Variants in BCR observed in about 807,000 individuals in gnomAD.
BCR encodes BCR activator of RhoGEF and GTPase.
Under a neutral mutation model 138.6 loss-of-function variants are expected in BCR, and 58 were observed. The ratio of observed to expected loss-of-function variants is 0.42; its 90% confidence interval spans 0.34 to 0.52. BCR has a LOEUF of 0.52. Ranked by LOEUF, BCR falls within the 20% of genes least tolerant of loss-of-function variation. The pLI is 0.06. For synonymous variants in BCR, 786 were observed against 730.1 expected (o/e 1.08, Z -1.23); for missense variants, 1,599 against 1,727.2 (o/e 0.93, Z 1.32).
intron 1 of BCR, among the ~76,000 whole-genome samples, chr22:23,208,792 T>C (rs186512013): frequency 6.6e-6 from 1 of 151,694 alleles, no homozygotes; most frequent in Admixed American, 6.6e-5. Flanking sequence ...GAGGCGGAGG[T>C]TGCAGCGAAC....
At chr22:23,270,969 G>C (rs776678841) in intron 5 of BCR, among the ~76,000 whole-genome samples, 1 of 152,238 alleles carries the variant, frequency 6.6e-6, no homozygotes, top group Non-Finnish European at 1.5e-5. Flanking sequence ...AGTCTGCAGT[G>C]GTGGGCCTGC....
intron 4 of BCR, among the ~76,000 whole-genome samples, chr22:23,265,765 C>T (rs75954982): frequency 0.014 from 2,084 of 152,274 alleles, 41 homozygotes; most frequent in African/African-American, 0.048. Context: ...CACACGCAAA[C>T]GCACATAGAC....
At chr22:23,218,588 G>A (rs186231200) in intron 1 of BCR, among the ~76,000 whole-genome samples, 7 of 152,230 alleles carry the variant, frequency 4.6e-5, no homozygotes, top group African/African-American at 1.4e-4. Context: ...GGGTGCGGAG[G>A]TGAGGCTGGT....
intron 16 of BCR, among the ~76,000 whole-genome samples, chr22:23,295,744 C>T (rs2073838321): frequency 6.6e-6 from 1 of 152,106 alleles, no homozygotes; most frequent in Admixed American, 6.5e-5. Context: ...AGGAGACTGC[C>T]TGGGCCCTCT....
intron 1 of BCR, among the ~76,000 whole-genome samples, chr22:23,206,662 A>G (rs1333329546): frequency 6.6e-6 from 1 of 152,168 alleles, no homozygotes; most frequent in African/African-American, 2.4e-5. Context: ...ACAGGGTGTT[A>G]AAACTCAGAA....
At chr22:23,238,783 C>A (rs1056693047) in intron 1 of BCR, among the ~76,000 whole-genome samples, 1 of 151,996 alleles carries the variant, frequency 6.6e-6, no homozygotes, top group Admixed American at 6.6e-5. Flanking sequence ...TACAGACTAC[C>A]CCCAGGACTG....
intron 10 of BCR, 98 bp downstream of exon 10, chr22:23,285,299 C>A (rs1160279997): frequency 7.4e-7 from 1 of 1,357,266 alleles, no homozygotes; most frequent in Non-Finnish European, 1.0e-6. Flanking sequence ...GGCCTCTGGG[C>A]CCCAGGTCTG....
intron 1 of BCR, among the ~76,000 whole-genome samples, chr22:23,243,590 C>A (rs2073122406): frequency 6.6e-6 from 1 of 151,842 alleles, no homozygotes; most frequent in Non-Finnish European, 1.5e-5. Context: ...GTATCCTTTA[C>A]AATAAACTGG....
At chr22:23,257,818 G>A (rs1177381645) in intron 2 of BCR, among the ~76,000 whole-genome samples, 2 of 152,214 alleles carry the variant, frequency 1.3e-5, no homozygotes, top group Admixed American at 6.5e-5. Context: ...GGACCCAACT[G>A]TCTCCAAGTG....
chr22:23,266,408 G>T (rs535573434), intron 4 of BCR, among the ~76,000 whole-genome samples: 1 of 150,904 alleles, frequency 6.6e-6, no homozygotes, highest in Non-Finnish European at 1.5e-5. Flanking sequence ...TTCCCTTTTG[G>T]AGATGGAGTC....
intron 8 of BCR, among the ~76,000 whole-genome samples, chr22:23,279,979 G>A (rs970282354): frequency 6.6e-6 from 1 of 152,182 alleles, no homozygotes; most frequent in Non-Finnish European, 1.5e-5. Context: ...TGGCCTTCCT[G>A]GGAGTGGACA....
intron 1 of BCR, among the ~76,000 whole-genome samples, chr22:23,229,768 C>A (rs149934001): frequency 5.3e-5 from 8 of 152,204 alleles, no homozygotes; most frequent in Non-Finnish European, 7.3e-5. Context: ...CCATGTCCCC[C>A]CTTTCAGGTG....
intron 1 of BCR, among the ~76,000 whole-genome samples, chr22:23,194,413 T>C (rs1177153954): frequency 6.7e-6 from 1 of 149,320 alleles, no homozygotes; most frequent in Non-Finnish European, 1.5e-5. Flanking sequence ...TTTTTTTTTT[T>C]CTTTCTTTTT....
chr22:23,230,500 C>T (rs1470184452), intron 1 of BCR, among the ~76,000 whole-genome samples: 3 of 152,230 alleles, frequency 2.0e-5, no homozygotes, highest in East Asian at 1.9e-4. Context: ...ACACACACTG[C>T]GGATGCAGGC....
At chr22:23,204,715 A>C (rs2072592463) in intron 1 of BCR, among the ~76,000 whole-genome samples, 1 of 152,168 alleles carries the variant, frequency 6.6e-6, no homozygotes, top group African/African-American at 2.4e-5. Context: ...CCAGGACTGG[A>C]ACAGATTTCA....
chr22:23,307,135 G>A (rs1373853500), intron 16 of BCR, among the ~76,000 whole-genome samples: 2 of 152,204 alleles, frequency 1.3e-5, no homozygotes, highest in African/African-American at 4.8e-5. Flanking sequence ...TCGCTTTGTT[G>A]CGCAGGCTGG....
At position 23,283,991 on chromosome 22, in the gene BCR, G is replaced by T; in HGVS notation, c.2130G>T (p.Leu710=). Residue 710 remains leucine, a synonymous_variant, in exon 9 of 23, where the codon CTG becomes CTT. Transcript: ENST00000305877. ...TGTGCCTGCAGCACCGGCAGCTGCT[G>T]AAGGACAGCTTCATGGTGGAGCTGG... The part of the protein sequence containing the change: ...TVKKGEHRQL[L]KDSFMVELVE... The T allele has an allele frequency of 6.3e-7, 1 of 1,599,038 alleles. No homozygotes were observed. Among genetic ancestry groups the T allele is most frequent in the East Asian group, 2.3e-5 (1 of 44,210 alleles).
Position 23,295,172 on chromosome 22 carries a change from T to G in BCR, c.3012+17T>G, listed in dbSNP as rs1257801101. On this transcript the variant is annotated intron_variant, in intron 16 of 22. Transcript: ENST00000305877. Reference sequence around the variant, plus strand: ...CAGGTCCAGGTGAGGCAGCCATCCCTACCCTCCCCTGCCCGATGCATGGCG... The same window carrying G: ...CAGGTCCAGGTGAGGCAGCCATCCCGACCCTCCCCTGCCCGATGCATGGCG... 2 of 1,585,688 alleles carry G rather than the reference T, an allele frequency of 1.3e-6. No homozygotes were observed. The highest frequency in any genetic ancestry group is 1.7e-6 in the Non-Finnish European group (2 of 1,162,542).
chr22:23,289,778 A>G, intron 13 of BCR, 157 bp downstream of exon 13: 1 of 678,198 alleles, frequency 1.5e-6, no homozygotes, highest in Non-Finnish European at 2.6e-6. Flanking sequence ...GTCTCCTCCC[A>G]GGAGTGGACA....
Sources: gnomAD v4.1 joint callset for allele counts (sites outside exome capture counted in the v4.1 genomes callset) on GRCh38, gnomAD v4.1.1 for gene constraint, MANE v1.5 for transcripts, NCBI Gene and HGNC (gene_info 2026-07-23, HGNC 2026-07-21) for gene names.